The following STXBP5 variants were observed in gnomAD, a reference collection of about 807,000 sequenced individuals.
STXBP5 encodes the protein syntaxin-binding protein 5.
STXBP5 carries 50 observed loss-of-function variants against 152.4 expected under a neutral mutation model. The ratio of observed to expected loss-of-function variants is 0.33; its 90% confidence interval spans 0.26 to 0.42. STXBP5 has a LOEUF of 0.42. Among genes scored for constraint, STXBP5 ranks in the 10% least tolerant of loss-of-function variants. STXBP5 has a pLI of 1.00. For missense variants in STXBP5, 1,167 were observed against 1,388.6 expected (o/e 0.84, Z 2.54); for synonymous variants, 492 against 494.7 (o/e 0.99, Z 0.07).
chr6:147,234,962 G>A (rs1272707665), intron 2 of STXBP5, among the ~76,000 whole-genome samples: 1 of 151,802 alleles, frequency 6.6e-6, no homozygotes, highest in Admixed American at 6.6e-5. Flanking sequence ...AAATAATTTG[G>A]GCCAGCATAA....
At chr6:147,283,711 A>G (rs1187593764) in intron 8 of STXBP5, among the ~76,000 whole-genome samples, 4 of 152,102 alleles carry the variant, frequency 2.6e-5, no homozygotes, top group Non-Finnish European at 5.9e-5. Flanking sequence ...AAAACTATAC[A>G]CTGGTGGTTA....
intron 22 of STXBP5, among the ~76,000 whole-genome samples, chr6:147,354,010 T>C (rs369514118): frequency 2.6e-5 from 4 of 152,298 alleles, no homozygotes; most frequent in East Asian, 3.9e-4. Context: ...GTAATACATA[T>C]AAAACATGGT....
intron 16 of STXBP5, among the ~76,000 whole-genome samples, chr6:147,318,564 C>T (rs934853438): frequency 6.6e-6 from 1 of 152,106 alleles, no homozygotes; most frequent in Non-Finnish European, 1.5e-5. Flanking sequence ...ACTTTTCATA[C>T]TTGTGATGGA....
intron 27 of STXBP5, among the ~76,000 whole-genome samples, chr6:147,383,547 C>G (rs1364803914): frequency 1.3e-5 from 2 of 151,248 alleles, no homozygotes; most frequent in Admixed American, 1.3e-4. Flanking sequence ...CTGACTGGCC[C>G]CCTTACACCA....
At chr6:147,302,755 C>T (rs1781886810) in intron 9 of STXBP5, among the ~76,000 whole-genome samples, 1 of 152,148 alleles carries the variant, frequency 6.6e-6, no homozygotes, top group Non-Finnish European at 1.5e-5. Context: ...GCGGAGGTTA[C>T]AGTGAGCCAA....
intron 9 of STXBP5, among the ~76,000 whole-genome samples, chr6:147,294,195 C>T (rs1399910993): frequency 1.3e-5 from 2 of 152,078 alleles, no homozygotes; most frequent in African/African-American, 4.8e-5. Context: ...TAATGTGAAT[C>T]AGGTATGAAA....
intron 2 of STXBP5, among the ~76,000 whole-genome samples, chr6:147,209,145 G>T (rs947138722): frequency 6.6e-6 from 1 of 151,896 alleles, no homozygotes; most frequent in African/African-American, 2.4e-5. Flanking sequence ...ACACAATGAG[G>T]TCATTATATA....
At chr6:147,319,686 T>C (rs1782815998) in intron 16 of STXBP5, among the ~76,000 whole-genome samples, 1 of 152,112 alleles carries the variant, frequency 6.6e-6, no homozygotes, top group Admixed American at 6.5e-5. Flanking sequence ...TCAGTATGTT[T>C]TATAAAATGG....
chr6:147,364,910 A>T (rs1280702231), intron 25 of STXBP5, among the ~76,000 whole-genome samples: 1 of 152,146 alleles, frequency 6.6e-6, no homozygotes, highest in East Asian at 1.9e-4. Context: ...TTTTTAGAAC[A>T]TGAGCTTTAG....
chr6:147,273,921 C>T (rs1013891541), intron 7 of STXBP5, among the ~76,000 whole-genome samples: 3 of 150,216 alleles, frequency 2.0e-5, no homozygotes, highest in Non-Finnish European at 4.4e-5. Flanking sequence ...CACTGCACTC[C>T]AGCCTGGGCG....
intron 8 of STXBP5, among the ~76,000 whole-genome samples, chr6:147,279,988 A>G (rs1376394042): frequency 6.6e-6 from 1 of 152,008 alleles, no homozygotes; most frequent in African/African-American, 2.4e-5. Flanking sequence ...AGAATAGTAC[A>G]AAGGATCTTT....
chr6:147,319,751 A>G (rs1782819413), intron 16 of STXBP5, among the ~76,000 whole-genome samples: 1 of 150,530 alleles, frequency 6.6e-6, no homozygotes, highest in African/African-American at 2.4e-5. Flanking sequence ...ATTCAGCCAG[A>G]GTCCTGTCAC....
intron 4 of STXBP5, among the ~76,000 whole-genome samples, chr6:147,244,277 G>A (rs1357999913): frequency 6.6e-6 from 1 of 152,150 alleles, no homozygotes; most frequent in Admixed American, 6.5e-5. Context: ...CAGATATGGA[G>A]GGATGACTGA....
chr6:147,209,652 C>T (rs1380071013), intron 2 of STXBP5, among the ~76,000 whole-genome samples: 2 of 152,044 alleles, frequency 1.3e-5, no homozygotes, highest in Admixed American at 1.3e-4. Flanking sequence ...CCAGTTCTAA[C>T]CAAAGGACTG....
At chr6:147,337,634 CAAT>C (rs1384962918) in intron 19 of STXBP5, among the ~76,000 whole-genome samples, 1 of 151,632 alleles carries the variant, frequency 6.6e-6, no homozygotes, top group Non-Finnish European at 1.5e-5. Flanking sequence ...AAATTAGTAT[CAAT>C]AATACATTTT....
In STXBP5 at chr6:147,386,090, C is replaced by T. The variant is rs1475260976; in HGVS notation, c.*1335C>T. ...ATGATTGTTTCATAGAATAGCATTA[C>T]GGGCAGGAAAGAAACCACCTAGTAG... On this transcript the variant is annotated 3_prime_UTR_variant, in exon 28 of 28. Coordinates refer to ENST00000321680, the MANE Select transcript of STXBP5 (RefSeq NM_001127715.4). The T allele has an allele frequency of 6.6e-6, 1 of 151,880 alleles. No individual in the cohort carries two copies. Among genetic ancestry groups the T allele is most frequent in the Admixed American group, 6.6e-5 (1 of 15,216 alleles). 9.4% of individuals were successfully genotyped at this position (151,880 alleles called of 1,614,324 possible). A position where few individuals can be genotyped will look rare whatever the true frequency, so the allele number is the denominator to read the frequency against.
intron 3 of STXBP5, among the ~76,000 whole-genome samples, chr6:147,236,177 G>A (rs1010179475): frequency 4.6e-5 from 7 of 152,138 alleles, no homozygotes; most frequent in African/African-American, 1.7e-4. Context: ...AGATAATTAT[G>A]ACAATGTAAA....
chr6:147,267,260 A>G (rs1779939126), intron 7 of STXBP5, 93 bp downstream of exon 7: 9 of 941,224 alleles, frequency 9.6e-6, no homozygotes, highest in Non-Finnish European at 1.5e-5. Flanking sequence ...CTTTAGGCAA[A>G]CTTTGTAATT....
intron 19 of STXBP5, among the ~76,000 whole-genome samples, chr6:147,336,368 GTTAA>G (rs1324456918): frequency 1.3e-5 from 2 of 151,896 alleles, no homozygotes; most frequent in African/African-American, 2.4e-5. Flanking sequence ...TCTATTATGG[GTTAA>G]TTGTCTTACT....
Sources: gnomAD v4.1 joint callset for allele counts (sites outside exome capture counted in the v4.1 genomes callset) on GRCh38, gnomAD v4.1.1 for gene constraint, MANE v1.5 for transcripts, NCBI Gene and HGNC (gene_info 2026-07-23, HGNC 2026-07-21) for gene names.